SBF2: variants seen among roughly 807,000 people sequenced by gnomAD.
SBF2 encodes myotubularin-related protein 13.
A neutral mutation model predicts 225.2 loss-of-function variants in SBF2; 112 were observed. That is an observed-to-expected ratio of 0.50 (90% CI 0.43 to 0.58). SBF2 has a LOEUF of 0.58. Ranked by LOEUF, SBF2 falls within the 20% of genes least tolerant of loss-of-function variation. The pLI is 0.00. For synonymous variants in SBF2, 763 were observed against 773.3 expected (o/e 0.99, Z 0.22); for missense variants, 1,996 against 2,206.2 (o/e 0.90, Z 1.91).
chr11:10,182,239 T>C (rs924861846), intron 2 of SBF2, among the ~76,000 whole-genome samples: 2 of 151,986 alleles, frequency 1.3e-5, no homozygotes, highest in African/African-American at 4.8e-5. Flanking sequence ...AATGGGGGGG[T>C]AGGTAATATA....
intron 2 of SBF2, among the ~76,000 whole-genome samples, chr11:10,163,458 T>C (rs1955835719): frequency 6.6e-6 from 1 of 152,138 alleles, no homozygotes; most frequent in African/African-American, 2.4e-5. Flanking sequence ...AACCACAGCA[T>C]TATTTTTGAA....
At chr11:10,171,976 G>A (rs1956211195) in intron 2 of SBF2, among the ~76,000 whole-genome samples, 1 of 152,064 alleles carries the variant, frequency 6.6e-6, no homozygotes, top group South Asian at 2.1e-4. Context: ...AATATCTGCA[G>A]TATCAGTTGT....
intron 2 of SBF2, among the ~76,000 whole-genome samples, chr11:10,045,987 A>C (rs1949846806): frequency 6.6e-6 from 1 of 152,216 alleles, no homozygotes; most frequent in East Asian, 1.9e-4. Context: ...AAATAACAAT[A>C]CAACTATAAA....
chr11:10,080,077 GT>G (rs946630100), intron 2 of SBF2, among the ~76,000 whole-genome samples: 1 of 151,704 alleles, frequency 6.6e-6, no homozygotes, highest in Middle Eastern at 3.2e-3. Context: ...GTGAAACCCT[GT>G]CTCTACTAAA....
At chr11:9,878,808 A>T (rs1234342371) in intron 17 of SBF2, among the ~76,000 whole-genome samples, 2 of 152,222 alleles carry the variant, frequency 1.3e-5, no homozygotes, top group Admixed American at 1.3e-4. Context: ...GTCATTCAAG[A>T]TGGCTCTCTG....
chr11:10,174,080 T>C (rs1956344684), intron 2 of SBF2, among the ~76,000 whole-genome samples: 2 of 151,496 alleles, frequency 1.3e-5, no homozygotes, highest in African/African-American at 2.4e-5. Context: ...GCAGAAAAAC[T>C]GGAAACTCTA....
At chr11:9,859,958 G>A (rs757733084) in intron 17 of SBF2, among the ~76,000 whole-genome samples, 6 of 152,202 alleles carry the variant, frequency 3.9e-5, no homozygotes, top group Admixed American at 3.3e-4. Flanking sequence ...GTAAGTTGTG[G>A]CTATGAAGCA....
At chr11:9,792,744 A>G (rs946417161) in intron 33 of SBF2, among the ~76,000 whole-genome samples, 2 of 136,588 alleles carry the variant, frequency 1.5e-5, no homozygotes, top group African/African-American at 5.2e-5. Flanking sequence ...AGGATTCGAA[A>G]TGCATGTTTA....
At chr11:9,896,119 C>T (rs1861235375) in intron 16 of SBF2, 108 bp from the exon 17 acceptor site, 2 of 920,538 alleles carry the variant, frequency 2.2e-6, no homozygotes, top group African/African-American at 1.6e-5. Flanking sequence ...GGGGTTTTTA[C>T]CTTTTTATTT....
intron 29 of SBF2, among the ~76,000 whole-genome samples, chr11:9,815,085 A>G (rs924341640): frequency 5.9e-5 from 9 of 152,118 alleles, no homozygotes; most frequent in Non-Finnish European, 1.3e-4. Context: ...TAAAACCTGA[A>G]TGGAATATAT....
At chr11:9,827,534 A>G (rs1288645878) in intron 28 of SBF2, among the ~76,000 whole-genome samples, 1 of 7,640 alleles carries the variant, frequency 1.3e-4, no homozygotes, top group Non-Finnish European at 5.8e-4. Flanking sequence ...CTCTGTCTTA[A>G]AAAAAAAAAA....
At chr11:10,145,753 A>AT (rs1380783882) in intron 2 of SBF2, among the ~76,000 whole-genome samples, 2 of 152,124 alleles carry the variant, frequency 1.3e-5, no homozygotes, top group Non-Finnish European at 2.9e-5. Context: ...TCACAAATAC[A>AT]TTTTTTCAAT....
chr11:10,152,403 G>A (rs1955246518), intron 2 of SBF2, among the ~76,000 whole-genome samples: 1 of 151,974 alleles, frequency 6.6e-6, no homozygotes, highest in Admixed American at 6.6e-5. Context: ...TACAAAATTA[G>A]CCGGGCGTGG....
intron 17 of SBF2, among the ~76,000 whole-genome samples, chr11:9,858,663 G>C (rs1043234263): frequency 6.6e-6 from 1 of 152,074 alleles, no homozygotes; most frequent in African/African-American, 2.4e-5. Flanking sequence ...ATATCAATTA[G>C]AAAATACAGG....
chr11:9,877,563 C>A lies in SBF2; in HGVS notation c.1929+18380G>T, dbSNP rs967717118. On this transcript the variant is annotated intron_variant, in intron 17 of 39. Transcript: ENST00000256190. Reference sequence around the variant, plus strand: ...CCTACCCCAATCCCCAACCCCCCGACAGGCCCCAGTGTGTGACGTTCCCTG... The same window carrying A: ...CCTACCCCAATCCCCAACCCCCCGAAAGGCCCCAGTGTGTGACGTTCCCTG... Among the ~76,000 whole-genome samples the A allele has an allele frequency of 2.6e-5, 4 of 152,060 alleles. No homozygotes were observed. In the South Asian group the frequency reaches 8.3e-4, roughly 32 times the overall value.
At chr11:10,247,525 A>C (rs931365923) in intron 1 of SBF2, among the ~76,000 whole-genome samples, 3 of 118,510 alleles carry the variant, frequency 2.5e-5, no homozygotes, top group Non-Finnish European at 5.6e-5. Context: ...TACTAAAAAT[A>C]CAAAAAAAAA....
chr11:9,816,412 C>T (rs758709732), intron 29 of SBF2, among the ~76,000 whole-genome samples: 1 of 152,150 alleles, frequency 6.6e-6, no homozygotes, highest in Non-Finnish European at 1.5e-5. Flanking sequence ...GTACCACAGT[C>T]TTCCTCTCTC....
chr11:10,088,711 A>G (rs916005935), intron 2 of SBF2, among the ~76,000 whole-genome samples: 2 of 152,184 alleles, frequency 1.3e-5, no homozygotes, highest in African/African-American at 4.8e-5. Flanking sequence ...GTATTAATCT[A>G]TTTTTGAGGG....
intron 3 of SBF2, among the ~76,000 whole-genome samples, chr11:10,040,175 T>C (rs1369018846): frequency 1.3e-5 from 2 of 152,008 alleles, no homozygotes; most frequent in Non-Finnish European, 2.9e-5. Flanking sequence ...TGTCTTCTAG[T>C]AGACTGATTA....
Sources: gnomAD v4.1 joint callset for allele counts (sites outside exome capture counted in the v4.1 genomes callset) on GRCh38, gnomAD v4.1.1 for gene constraint, MANE v1.5 for transcripts, NCBI Gene and HGNC (gene_info 2026-07-23, HGNC 2026-07-21) for gene names.